The following NXPH1 variants were observed in gnomAD, a reference collection of about 807,000 sequenced individuals.
The protein encoded by NXPH1 is neurexophilin-1.
A neutral mutation model predicts 23.7 loss-of-function variants in NXPH1; 5 were observed. The observed-to-expected ratio is 0.21, with a 90% CI of 0.11 to 0.44. The LOEUF (loss-of-function observed/expected upper bound fraction) is 0.44. Ranked by LOEUF, NXPH1 falls within the 20% of genes least tolerant of loss-of-function variation. NXPH1 has a pLI of 0.99. For synonymous variants in NXPH1, 144 were observed against 122.2 expected (o/e 1.18, Z -1.18); for missense variants, 324 against 321.6 (o/e 1.01, Z -0.06).
chr7:8,536,651 A>T (rs1475745121), intron 2 of NXPH1, among the ~76,000 whole-genome samples: 2 of 151,898 alleles, frequency 1.3e-5, no homozygotes, highest in African/African-American at 4.8e-5. Context: ...GCTCTTAGAG[A>T]CATTCTGGTT....
At chr7:8,676,566 A>T (rs1562451442) in intron 2 of NXPH1, among the ~76,000 whole-genome samples, 1 of 152,188 alleles carries the variant, frequency 6.6e-6, no homozygotes, top group African/African-American at 2.4e-5. Context: ...TATATAGAGA[A>T]ATGTTGAATA....
intron 2 of NXPH1, among the ~76,000 whole-genome samples, chr7:8,663,974 C>T (rs1414075580): frequency 6.6e-6 from 1 of 152,016 alleles, no homozygotes; most frequent in African/African-American, 2.4e-5. Context: ...TTTTCTCTGT[C>T]TGTTTTGGGT....
intron 2 of NXPH1, among the ~76,000 whole-genome samples, chr7:8,642,702 A>G (rs999562903): frequency 1.3e-5 from 2 of 151,984 alleles, no homozygotes; most frequent in Non-Finnish European, 2.9e-5. Flanking sequence ...CCATATTTTC[A>G]TATTCCTTAT....
At chr7:8,628,017 C>A (rs372527198) in intron 2 of NXPH1, among the ~76,000 whole-genome samples, 1 of 151,948 alleles carries the variant, frequency 6.6e-6, no homozygotes, top group Non-Finnish European at 1.5e-5. Context: ...ATCTTGGGTA[C>A]GTATGAGAAT....
At chr7:8,522,108 A>G (rs1335632876) in intron 2 of NXPH1, among the ~76,000 whole-genome samples, 1 of 152,236 alleles carries the variant, frequency 6.6e-6, no homozygotes, top group African/African-American at 2.4e-5. Context: ...CATTGTTTCA[A>G]AATTTAGGAC....
intron 2 of NXPH1, among the ~76,000 whole-genome samples, chr7:8,522,208 A>G (rs1233285451): frequency 6.6e-6 from 1 of 152,176 alleles, no homozygotes; most frequent in African/African-American, 2.4e-5. Context: ...CAAAGACCAT[A>G]AGAATCCCTG....
At chr7:8,639,614 T>C (rs1052563158) in intron 2 of NXPH1, among the ~76,000 whole-genome samples, 3 of 152,220 alleles carry the variant, frequency 2.0e-5, no homozygotes, top group African/African-American at 7.2e-5. Flanking sequence ...CCTAGTGATA[T>C]GGTTTGGCTG....
At chr7:8,678,926 CA>C (rs1821000201) in intron 2 of NXPH1, among the ~76,000 whole-genome samples, 4 of 97,202 alleles carry the variant, frequency 4.1e-5, no homozygotes, top group Admixed American at 1.0e-4. Flanking sequence ...TTGCTTTATC[CA>C]ATTTTTTTTT....
intron 2 of NXPH1, among the ~76,000 whole-genome samples, chr7:8,732,290 A>G (rs56717106): frequency 0.27 from 40,823 of 152,144 alleles, 5,853 homozygotes; most frequent in African/African-American, 0.36. Flanking sequence ...AAATGCAGAA[A>G]TCACCTGTCT....
At chr7:8,670,162 T>C (rs1820845204) in intron 2 of NXPH1, among the ~76,000 whole-genome samples, 1 of 152,236 alleles carries the variant, frequency 6.6e-6, no homozygotes, top group African/African-American at 2.4e-5. Context: ...TGAGATGAAC[T>C]TCCCTCTGCC....
At chr7:8,665,627 A>T (rs553898761) in intron 2 of NXPH1, among the ~76,000 whole-genome samples, 3 of 151,996 alleles carry the variant, frequency 2.0e-5, no homozygotes, top group African/African-American at 7.2e-5. Flanking sequence ...CATTTTAACA[A>T]TATTATTTCT....
chr7:8,449,650 C>T (rs1816470706), intron 2 of NXPH1, among the ~76,000 whole-genome samples: 1 of 152,154 alleles, frequency 6.6e-6, no homozygotes, highest in Admixed American at 6.5e-5. Context: ...CTATCTCAGG[C>T]AGTCTTATTC....
chr7:8,554,061 A>T (rs1818317701), intron 2 of NXPH1, among the ~76,000 whole-genome samples: 1 of 151,678 alleles, frequency 6.6e-6, no homozygotes. Flanking sequence ...GTGCTGTAAG[A>T]GGTACACAAA....
intron 2 of NXPH1, among the ~76,000 whole-genome samples, chr7:8,640,364 G>A (rs1164186625): frequency 2.0e-5 from 3 of 151,286 alleles, no homozygotes; most frequent in Non-Finnish European, 2.9e-5. Flanking sequence ...GAATATTCAG[G>A]GTCCTCATGT....
chr7:8,741,509 A>G (rs140591244), intron 2 of NXPH1, among the ~76,000 whole-genome samples: 2 of 152,120 alleles, frequency 1.3e-5, no homozygotes, highest in African/African-American at 4.8e-5. Context: ...CTACCAAGTT[A>G]TAATCCCATC....
At chr7:8,674,416 G>A (rs949821806) in intron 2 of NXPH1, among the ~76,000 whole-genome samples, 10 of 152,064 alleles carry the variant, frequency 6.6e-5, no homozygotes, top group African/African-American at 2.2e-4. Flanking sequence ...ACACTTCTCT[G>A]TGGACCTCTG....
At chr7:8,605,063 C>T (rs1039937614) in intron 2 of NXPH1, among the ~76,000 whole-genome samples, 13 of 152,096 alleles carry the variant, frequency 8.5e-5, no homozygotes, top group African/African-American at 3.1e-4. Context: ...ATAGCTTTTC[C>T]TTTGTATTTT....
Position 8,433,927 on chromosome 7 carries a change from C to T in NXPH1, c.-939C>T, listed in dbSNP as rs1324324123. The T allele has an allele frequency of 2.0e-5, 3 of 152,182 alleles. No homozygotes were observed. The highest frequency in any genetic ancestry group is 1.5e-5 in the Non-Finnish European group (1 of 68,050). The allele number at this position is 152,182 out of a possible 1,614,324, so 9.4% of individuals were successfully genotyped here. A position where few individuals can be genotyped will look rare whatever the true frequency, so the allele number is the denominator to read the frequency against. On this transcript the variant is annotated 5_prime_UTR_variant, in exon 1 of 3. Coordinates refer to ENST00000405863, the MANE Select transcript of NXPH1 (RefSeq NM_152745.3). This position sits in a 1 kb window ranked among gnomAD's most constrained non-coding sequence, Gnocchi z 6.8. ...CTGTTTACACAGGGTACTAATTAGT[C>T]TTTGAGGAATCATTCACCCACGTGC... is the stretch of plus-strand genomic sequence containing the variant.
intron 2 of NXPH1, among the ~76,000 whole-genome samples, chr7:8,679,533 T>G (rs2115175487): frequency 6.6e-6 from 1 of 152,368 alleles, no homozygotes; most frequent in East Asian, 1.9e-4. Flanking sequence ...TTGAAATTGT[T>G]AATTGTTAAA....
Sources: allele counts gnomAD v4.1 joint callset (sites outside exome capture counted in the v4.1 genomes callset), GRCh38; gene constraint gnomAD v4.1.1; non-coding constraint Gnocchi (gnomAD v3.1); transcripts MANE v1.5; gene names NCBI Gene and HGNC (gene_info 2026-07-23, HGNC 2026-07-21).